The following TFB2M variants were observed in gnomAD, a reference collection of about 807,000 sequenced individuals.
TFB2M encodes the protein dimethyladenosine transferase 2, mitochondrial.
In TFB2M, 44 loss-of-function variants were observed where a neutral mutation model predicts 41.3. The ratio of observed to expected loss-of-function variants is 1.07; its 90% CI spans 0.84 to 1.37. The LOEUF (loss-of-function observed/expected upper bound fraction) is 1.37. Among genes scored for constraint, TFB2M ranks in the 40% most tolerant of loss-of-function variants. TFB2M has a pLI of 0.00. For missense variants in TFB2M, 496 were observed against 490.2 expected, an observed-to-expected ratio of 1.01 and a Z score of -0.11; for synonymous variants, 188 against 176.8, an observed-to-expected ratio of 1.06 and a Z score of -0.50.
intron 2 of TFB2M, among the ~76,000 whole-genome samples, chr1:246,563,634 C>T (rs992840190): frequency 1.3e-5 from 2 of 151,288 alleles, no homozygotes; most frequent in African/African-American, 2.4e-5. Context: ...GGGATGATGA[C>T]GATGTCAAAC....
intron 3 of TFB2M, 94 bp from the exon 4 acceptor site, chr1:246,556,815 T>C: frequency 1.9e-6 from 2 of 1,033,524 alleles, no homozygotes; most frequent in Non-Finnish European, 2.7e-6. Flanking sequence ...TAACAAACTA[T>C]ATTAATTTCA....
rs200051452 is a variant in TFB2M, at chr1:246,551,257, T to C, written c.751A>G (p.Ser251Gly). The C allele has an allele frequency of 1.2e-6, 2 of 1,613,944 alleles. No individual in the cohort carries two copies. Among genetic ancestry groups the C allele is most frequent in the Admixed American group, 3.3e-5 (2 of 60,024 alleles). ...TCACAAGCTAATTGCCAGATAACAC[T>C]TAATACATGATACAAGTCTGGATTT... ...PGNPDLYHVL[S>G]VIWQLACEIK... Residue 251 changes from serine to glycine, a missense_variant, in exon 5 of 8, where the codon AGT becomes GGT. Coordinates refer to ENST00000366514, the MANE Select transcript of TFB2M (RefSeq NM_022366.3).
At chr1:246,556,758 T>A in intron 3 of TFB2M, 37 bp from the exon 4 acceptor site, 1 of 1,513,200 alleles carries the variant, frequency 6.6e-7, no homozygotes, top group Non-Finnish European at 8.8e-7. Flanking sequence ...TGAATAAAGT[T>A]CTTAGCATTT....
Position 246,566,052 on chromosome 1 carries a change from T to A in TFB2M, c.87A>T (p.Glu29Asp). 6.2e-7 allele frequency: 1 copy of A among 1,614,056 alleles called. No homozygotes were observed. Among genetic ancestry groups the A allele is most frequent in the Non-Finnish European group, 8.5e-7 (1 of 1,180,006 alleles). Reference protein sequence around the residue: ...GAGRFCILGSEAATRKHLPAR... With the variant: ...GAGRFCILGSDAATRKHLPAR... ...CCGGCAAATGCTTTCGCGTCGCCGC[T>A]TCAGACCCTAAAATGCAAAAGCGAC... Residue 29 changes from glutamate to aspartate, a missense_variant, in exon 1 of 8, where the codon GAA becomes GAT. By Grantham distance (45) the Glu-to-Asp change is conservative. Coordinates refer to ENST00000366514, the MANE Select transcript of TFB2M (RefSeq NM_022366.3).
chr1:246,562,279 A>G (rs1659476282), intron 2 of TFB2M, among the ~76,000 whole-genome samples: 1 of 152,216 alleles, frequency 6.6e-6, no homozygotes, highest in Non-Finnish European at 1.5e-5. Flanking sequence ...GGAAGATTAT[A>G]AAAGAGGGAA....
At chr1:246,546,941 C>A (rs1247281040) in intron 6 of TFB2M, among the ~76,000 whole-genome samples, 3 of 146,886 alleles carry the variant, frequency 2.0e-5, no homozygotes, top group Non-Finnish European at 3.0e-5. Context: ...TCATCTTCAT[C>A]CCTAAAAGTT....
At chr1:246,543,868 T>G (rs1572082882) in intron 7 of TFB2M, among the ~76,000 whole-genome samples, 1 of 150,034 alleles carries the variant, frequency 6.7e-6, no homozygotes, top group Non-Finnish European at 1.5e-5. Context: ...TGCATGCTTG[T>G]AGTCCCAGCT....
rs575863069 is a variant in TFB2M at position 246,556,793 on chromosome 1, GACAA to G, written c.557-76_557-73del. 115 of 1,226,830 alleles carry G rather than the reference GACAA, an allele frequency of 9.4e-5. 2 individuals carry two copies. In the South Asian group the frequency reaches 1.8e-3, roughly 19 times the overall value. The allele number at this position is 1,226,830 out of a possible 1,614,324, so 76.0% of individuals were successfully genotyped here. The stretch of plus-strand genomic sequence containing the variant: ...TTGTCCTATGTCCATATTTTTTTGA[GACAA>G]ACTAAGTTAACAAACTATATTAATT... On this transcript the variant is annotated intron_variant, in intron 3 of 7. Transcript: ENST00000366514.
chr1:246,557,748 C>T, intron 2 of TFB2M, among the ~76,000 whole-genome samples: 1 of 152,168 alleles, frequency 6.6e-6, no homozygotes, highest in East Asian at 1.9e-4. Flanking sequence ...TCTCGGCTCA[C>T]TGCAACCTCT....
At chr1:246,543,863 G>A (rs1658928309) in intron 7 of TFB2M, among the ~76,000 whole-genome samples, 2 of 148,890 alleles carry the variant, frequency 1.3e-5, no homozygotes, top group African/African-American at 2.6e-5. Context: ...GGTGGTGCAT[G>A]CTTGTAGTCC....
intron 4 of TFB2M, among the ~76,000 whole-genome samples, chr1:246,553,086 G>C (rs1335729471): frequency 1.3e-5 from 2 of 152,164 alleles, no homozygotes; most frequent in Non-Finnish European, 2.9e-5. Flanking sequence ...GCTGGGCATG[G>C]TGGCGCGTGC....
chr1:246,563,565 T>G (rs1659512696), intron 2 of TFB2M, among the ~76,000 whole-genome samples: 1 of 151,124 alleles, frequency 6.6e-6, no homozygotes, highest in Admixed American at 6.6e-5. Flanking sequence ...GATCGCACCA[T>G]TGCACTCCAG....
intron 2 of TFB2M, 54 bp from the exon 3 acceptor site, chr1:246,557,588 G>C: frequency 7.1e-7 from 1 of 1,402,210 alleles, no homozygotes; most frequent in South Asian, 1.5e-5. Context: ...AGTATACTTT[G>C]CAGCAATTCA....
intron 5 of TFB2M, among the ~76,000 whole-genome samples, chr1:246,549,487 C>T (rs915228073): frequency 1.3e-4 from 19 of 151,628 alleles, no homozygotes; most frequent in East Asian, 5.9e-4. Flanking sequence ...GAGGCTGAGG[C>T]GGGAGGATTG....
chr1:246,547,538 A>G (rs1222991807), intron 6 of TFB2M, among the ~76,000 whole-genome samples: 1 of 152,224 alleles, frequency 6.6e-6, no homozygotes, highest in African/African-American at 2.4e-5. Flanking sequence ...CACAACATTG[A>G]AAGAAAACTG....
intron 6 of TFB2M, among the ~76,000 whole-genome samples, chr1:246,545,009 G>C (rs544251630): frequency 6.6e-6 from 1 of 151,826 alleles, no homozygotes; most frequent in South Asian, 2.1e-4. Context: ...GTTTCACCGT[G>C]TTAGCCAGGA....
intron 1 of TFB2M, 28 bp from the exon 2 acceptor site, chr1:246,564,462 A>G (rs1659540121): frequency 6.3e-7 from 1 of 1,594,318 alleles, no homozygotes; most frequent in African/African-American, 1.3e-5. Context: ...CGAAAAGTTT[A>G]TTTGTACAAG....
intron 5 of TFB2M, among the ~76,000 whole-genome samples, chr1:246,549,008 T>C (rs1659096975): frequency 6.6e-6 from 1 of 152,252 alleles, no homozygotes; most frequent in African/African-American, 2.4e-5. Flanking sequence ...ACTATTTGAA[T>C]ATGTTAGAAC....
At chr1:246,551,898 T>C (rs962814609) in intron 4 of TFB2M, among the ~76,000 whole-genome samples, 1 of 152,204 alleles carries the variant, frequency 6.6e-6, no homozygotes, top group African/African-American at 2.4e-5. Flanking sequence ...GAATAGCGTA[T>C]GCACAGCCCC....
Sources: gnomAD v4.1 joint callset for allele counts (sites outside exome capture counted in the v4.1 genomes callset) on GRCh38, gnomAD v4.1.1 for gene constraint, MANE v1.5 for transcripts, NCBI Gene and HGNC (gene_info 2026-07-23, HGNC 2026-07-21) for gene names.